The following USH2A variants were observed in gnomAD, a reference collection of about 807,000 sequenced individuals.
The protein encoded by USH2A is usherin.
In USH2A, 443 loss-of-function variants were observed where a neutral mutation model predicts 538.9. The ratio of observed to expected loss-of-function variants is 0.82; its 90% confidence interval spans 0.76 to 0.89. The LOEUF is 0.89. USH2A is among the 40% of genes least tolerant of loss of function. The probability of loss-of-function intolerance (pLI) is 0.00; values close to 1 mark genes in which losing one functional copy is unlikely to be tolerated. For synonymous variants in USH2A, 2,413 were observed against 2,273.5 expected, an observed-to-expected ratio of 1.06 and a Z score of -1.75; for missense variants, 6,633 against 6,324.8, an observed-to-expected ratio of 1.05 and a Z score of -1.65.
At chr1:216,397,249 G>A (rs17599447) in intron 3 of USH2A, among the ~76,000 whole-genome samples, 5,106 of 152,220 alleles carry the variant, frequency 0.034, 117 homozygotes, top group South Asian at 0.073. Flanking sequence ...GCAAATGCTC[G>A]TGTATAGGTT....
At chr1:216,395,720 A>G (rs779442054) in intron 3 of USH2A, among the ~76,000 whole-genome samples, 1 of 152,198 alleles carries the variant, frequency 6.6e-6, no homozygotes, top group Non-Finnish European at 1.5e-5. Flanking sequence ...CTATTGCAAG[A>G]CAGGACGGAA....
chr1:215,766,369 A>G (rs576148749), intron 56 of USH2A, among the ~76,000 whole-genome samples: 1 of 152,296 alleles, frequency 6.6e-6, no homozygotes, highest in East Asian at 1.9e-4. Context: ...CAACTTCAGC[A>G]GTGAGCATGG....
At chr1:216,133,711 G>T (rs1364631142) in intron 21 of USH2A, among the ~76,000 whole-genome samples, 1 of 152,040 alleles carries the variant, frequency 6.6e-6, no homozygotes, top group Non-Finnish European at 1.5e-5. Flanking sequence ...TAGCACCTAG[G>T]TCTATTTTTT....
chr1:215,878,690 G>C (rs1664833375), intron 42 of USH2A, 74 bp downstream of exon 42: 3 of 1,470,918 alleles, frequency 2.0e-6, no homozygotes, highest in Middle Eastern at 4.2e-4. Flanking sequence ...AGGAATAAAA[G>C]CCTCCTTCAT....
intron 44 of USH2A, among the ~76,000 whole-genome samples, chr1:215,851,531 G>C (rs374869101): frequency 7.9e-5 from 12 of 152,080 alleles, no homozygotes; most frequent in Non-Finnish European, 1.5e-4. Context: ...CAAGCAGTGA[G>C]ATTGAAATGG....
chr1:215,723,129 T>C (rs959196578), intron 61 of USH2A, among the ~76,000 whole-genome samples: 1 of 152,042 alleles, frequency 6.6e-6, no homozygotes, highest in Non-Finnish European at 1.5e-5. Flanking sequence ...TAATGGAAGG[T>C]ATTGGTCTAA....
At chr1:216,378,235 A>C (rs1181929642) in intron 3 of USH2A, among the ~76,000 whole-genome samples, 2 of 152,228 alleles carry the variant, frequency 1.3e-5, no homozygotes, top group Non-Finnish European at 2.9e-5. Flanking sequence ...GAGAATGACT[A>C]AAGTTACAAC....
chr1:216,026,023 C>G (rs1190003166), intron 32 of USH2A, among the ~76,000 whole-genome samples: 1 of 152,024 alleles, frequency 6.6e-6, no homozygotes, highest in Non-Finnish European at 1.5e-5. Context: ...GCAAAATAGC[C>G]TTTTAAAGGT....
intron 20 of USH2A, among the ~76,000 whole-genome samples, chr1:216,178,474 TAAG>T (rs2034433875): frequency 6.6e-6 from 1 of 152,166 alleles, no homozygotes; most frequent in Admixed American, 6.5e-5. Flanking sequence ...ATATTTGTAT[TAAG>T]ATTTTAGCAG....
chr1:216,326,355 C>T (rs921460924), intron 5 of USH2A, among the ~76,000 whole-genome samples: 3 of 152,188 alleles, frequency 2.0e-5, no homozygotes, highest in Non-Finnish European at 4.4e-5. Context: ...AGAAACCAGG[C>T]TTTTCCTCTC....
chr1:215,983,348 A>T (rs747590208), intron 35 of USH2A, among the ~76,000 whole-genome samples: 6 of 152,212 alleles, frequency 3.9e-5, no homozygotes, highest in Non-Finnish European at 7.3e-5. Context: ...TAATGATAAC[A>T]AAGAAATATT....
At chr1:216,316,051 T>C (rs1437144548) in intron 9 of USH2A, among the ~76,000 whole-genome samples, 1 of 152,158 alleles carries the variant, frequency 6.6e-6, no homozygotes, top group East Asian at 1.9e-4. Context: ...GAGTGAAGTA[T>C]TTATGGTATG....
intron 21 of USH2A, among the ~76,000 whole-genome samples, chr1:216,098,423 T>A (rs1269113317): frequency 6.6e-6 from 1 of 152,096 alleles, no homozygotes; most frequent in Non-Finnish European, 1.5e-5. Flanking sequence ...TGAGTAAAAA[T>A]ACAGTCAGGC....
At chr1:216,169,804 G>T (rs549160237) in intron 21 of USH2A, among the ~76,000 whole-genome samples, 1 of 151,946 alleles carries the variant, frequency 6.6e-6, no homozygotes, top group African/African-American at 2.4e-5. Flanking sequence ...TATAATTACT[G>T]CCTGTTCATT....
At chr1:216,294,589 A>T (rs1026421090) in intron 9 of USH2A, among the ~76,000 whole-genome samples, 1 of 151,770 alleles carries the variant, frequency 6.6e-6, no homozygotes, top group Non-Finnish European at 1.5e-5. Context: ...TATTACCTTA[A>T]GAAAATTATG....
chr1:215,638,986 AC>A (rs1412851775), intron 69 of USH2A, among the ~76,000 whole-genome samples, 168 bp downstream of exon 69: 4 of 151,760 alleles, frequency 2.6e-5, no homozygotes, highest in South Asian at 2.1e-4. Flanking sequence ...TCAAAAAAAA[AC>A]AACAACAAAA....
chr1:215,674,358 A>G lies in USH2A; in HGVS notation c.13553T>C (p.Ile4518Thr). ...TVTASNSQGG[I>T]LSPLVKDRTS... Reference sequence around the variant, plus strand: ...TCGATCTTTGACAAGAGGACTCAAAATACCCCCTTGGCTGTTGCTGGCAGT... The same window carrying G: ...TCGATCTTTGACAAGAGGACTCAAAGTACCCCCTTGGCTGTTGCTGGCAGT... Residue 4518 changes from isoleucine to threonine, a missense_variant, in exon 63 of 72, where the codon ATT becomes ACT. Coordinates refer to ENST00000307340, the MANE Select transcript of USH2A (RefSeq NM_206933.4). 1 of 1,613,898 alleles carries G rather than the reference A, an allele frequency of 6.2e-7. No homozygotes were observed. Among genetic ancestry groups the G allele is most frequent in the Non-Finnish European group, 8.5e-7 (1 of 1,179,870 alleles).
At chr1:216,337,104 G>C in intron 4 of USH2A, among the ~76,000 whole-genome samples, 1 of 151,390 alleles carries the variant, frequency 6.6e-6, no homozygotes, top group East Asian at 1.9e-4. Context: ...GCCAGAGACA[G>C]ATCTTAGGAT....
intron 31 of USH2A, among the ~76,000 whole-genome samples, chr1:216,047,882 A>G (rs2030591378): frequency 6.6e-6 from 1 of 152,198 alleles, no homozygotes; most frequent in African/African-American, 2.4e-5. Flanking sequence ...ATGCATTCTG[A>G]TGCTTGAGCA....
Sources: allele counts gnomAD v4.1 joint callset (sites outside exome capture counted in the v4.1 genomes callset), GRCh38; gene constraint gnomAD v4.1.1; transcripts MANE v1.5; gene names NCBI Gene and HGNC (gene_info 2026-07-23, HGNC 2026-07-21).